The following IL4R variants were observed in gnomAD, a reference collection of about 807,000 sequenced individuals.
IL4R encodes the protein interleukin-4 receptor subunit alpha.
A neutral mutation model predicts 41.5 loss-of-function variants in IL4R; 17 were observed. That is an observed-to-expected ratio of 0.41 (90% CI 0.28 to 0.61). The LOEUF (loss-of-function observed/expected upper bound fraction) is 0.61, where lower values mean the gene tolerates loss of function less well. Among genes scored for constraint, IL4R ranks in the 20% least tolerant of loss-of-function variants. The pLI is 0.31. For synonymous variants in IL4R, 402 were observed against 422.9 expected (o/e 0.95, Z 0.61); for missense variants, 974 against 1,043.1 (o/e 0.93, Z 0.91).
At chr16:27,326,748 TG>T (rs1181871551) in intron 1 of IL4R, among the ~76,000 whole-genome samples, 1 of 152,100 alleles carries the variant, frequency 6.6e-6, no homozygotes, top group Non-Finnish European at 1.5e-5. Flanking sequence ...GGGAGGCTGG[TG>T]GGTGCTGTTG....
chr16:27,318,292 C>T (rs992515355), intron 1 of IL4R, among the ~76,000 whole-genome samples: 8 of 152,232 alleles, frequency 5.3e-5, no homozygotes, highest in South Asian at 4.1e-4. Flanking sequence ...CCTGAGTCAT[C>T]CTGAATTCTG....
intron 2 of IL4R, among the ~76,000 whole-genome samples, chr16:27,337,648 C>G (rs549263648): frequency 6.6e-6 from 1 of 151,028 alleles, no homozygotes; most frequent in East Asian, 2.0e-4. Context: ...GGTGCCATCT[C>G]GGCTCACCAC....
intron 8 of IL4R, among the ~76,000 whole-genome samples, chr16:27,357,699 A>G (rs1006630666): frequency 2.0e-5 from 3 of 151,490 alleles, no homozygotes; most frequent in Non-Finnish European, 4.4e-5. Flanking sequence ...CCTGACCTCA[A>G]GTGATCCACC....
chr16:27,329,966 T>C (rs980044845), intron 1 of IL4R, 100 bp from the exon 2 acceptor site: 3 of 151,892 alleles, frequency 2.0e-5, no homozygotes, highest in African/African-American at 7.3e-5. Context: ...CAATGGAGGA[T>C]TGCAGAAGAG....
Position 27,358,940 on chromosome 16 carries a change from G to A in IL4R, c.795G>A (p.Gln265=). The change falls in exon 9 of 11, where the codon CAG becomes CAA. Residue 265 remains glutamine, a synonymous_variant. Transcript: ENST00000395762. ...GGATTAAGAAAGAATGGTGGGATCA[G>A]ATTCCCAACCCAGCCCGCAGCCGCC... ...ITKIKKEWWD[Q]IPNPARSRLV... is the part of the protein sequence containing the mutation. 1 of 1,614,018 alleles carries A rather than the reference G, an allele frequency of 6.2e-7. No homozygotes were observed. The highest frequency in any genetic ancestry group is 8.5e-7 in the Non-Finnish European group (1 of 1,179,876).
chr16:27,351,092 G>T (rs747191453), intron 6 of IL4R, among the ~76,000 whole-genome samples: 12 of 152,188 alleles, frequency 7.9e-5, no homozygotes, highest in Admixed American at 2.6e-4. Flanking sequence ...CTATAATCAA[G>T]GTGTGGGATG....
chr16:27,360,035 T>A (rs2086228088), intron 9 of IL4R, among the ~76,000 whole-genome samples: 1 of 151,482 alleles, frequency 6.6e-6, no homozygotes, highest in African/African-American at 2.4e-5. Context: ...TTTCTTTTTC[T>A]GAGACGGAGT....
intron 6 of IL4R, among the ~76,000 whole-genome samples, chr16:27,351,254 G>A (rs2085860222): frequency 6.6e-6 from 1 of 152,170 alleles, no homozygotes; most frequent in Admixed American, 6.5e-5. Flanking sequence ...TCCTTCCCAT[G>A]TGCCCTTTGC....
Position 27,364,169 on chromosome 16 carries a change from G to C in IL4R, c.*339G>C, listed in dbSNP as rs1406356721. 2.0e-5 allele frequency: 5 copies of C among 254,544 alleles called. No individual in the cohort carries two copies. Among genetic ancestry groups the C allele is most frequent in the Non-Finnish European group, 3.8e-5 (5 of 132,858 alleles). The allele number at this position is 254,544 out of a possible 1,614,324, so 15.8% of individuals were successfully genotyped here. ...CCCTCCACAGCTTCTGCAGCAGACTGTCCCTGTTGTAACTGCCCAAGGCAT... is the reference window on the plus strand; with the variant it reads ...CCCTCCACAGCTTCTGCAGCAGACTCTCCCTGTTGTAACTGCCCAAGGCAT... On this transcript the variant is annotated 3_prime_UTR_variant, in exon 11 of 11. Transcript: ENST00000395762.
intron 9 of IL4R, 93 bp downstream of exon 9, chr16:27,359,087 C>G: frequency 1.1e-6 from 1 of 926,568 alleles, no homozygotes. Flanking sequence ...TCACTGGCTT[C>G]TGGAATGGCA....
intron 2 of IL4R, among the ~76,000 whole-genome samples, chr16:27,334,571 G>A (rs1446091519): frequency 2.6e-5 from 4 of 152,084 alleles, no homozygotes; most frequent in Non-Finnish European, 4.4e-5. Context: ...TTGGACAGGC[G>A]TCTTGGCCTC....
At chr16:27,359,145 T>G in intron 9 of IL4R, 151 bp downstream of exon 9, 1 of 650,400 alleles carries the variant, frequency 1.5e-6, no homozygotes, top group Non-Finnish European at 2.8e-6. Context: ...AGAAGCCGAA[T>G]GAGGTCATTA....
chr16:27,357,270 C>A (rs1338504535), intron 8 of IL4R, among the ~76,000 whole-genome samples: 1 of 152,014 alleles, frequency 6.6e-6, no homozygotes, highest in African/African-American at 2.4e-5. Flanking sequence ...TGTTCTTTGT[C>A]TTTGGTTTCT....
intron 2 of IL4R, among the ~76,000 whole-genome samples, chr16:27,336,464 C>T (rs566747375): frequency 5.7e-4 from 86 of 149,668 alleles, no homozygotes; most frequent in Non-Finnish European, 8.2e-4. Flanking sequence ...ATCGCTTGAA[C>T]TCAGGAGTTC....
intron 6 of IL4R, among the ~76,000 whole-genome samples, chr16:27,349,726 T>C (rs2085796161): frequency 6.6e-6 from 1 of 152,142 alleles, no homozygotes; most frequent in African/African-American, 2.4e-5. Flanking sequence ...GTCACACAGC[T>C]GGAAATGGCA....
At chr16:27,334,039 C>A (rs1567313203) in intron 2 of IL4R, among the ~76,000 whole-genome samples, 1 of 152,028 alleles carries the variant, frequency 6.6e-6, no homozygotes, top group South Asian at 2.1e-4. Flanking sequence ...CCCGCCACCA[C>A]GCCCAGCTAA....
In IL4R at chr16:27,363,671, C is replaced by T. The variant is rs750487862; in HGVS notation, c.2319C>T (p.Ala773=). The part of the protein sequence containing the change: ...DPSPGGVPLE[A]SLCPASLAPS... ...CTCCAGGTGGGGTTCCACTGGAGGC[C>T]AGTCTGTGTCCGGCCTCCCTGGCAC... The change falls in exon 11 of 11, where the codon GCC becomes GCT. Residue 773 remains alanine, a synonymous_variant. Coordinates refer to ENST00000395762, the MANE Select transcript of IL4R (RefSeq NM_000418.4). 1.9e-6 allele frequency: 3 copies of T among 1,613,892 alleles called. No individual in the cohort carries two copies. In the South Asian group the frequency reaches 3.3e-5, roughly 18 times the overall value.
chr16:27,329,478 C>G (rs1364329301), intron 1 of IL4R, among the ~76,000 whole-genome samples: 2 of 151,934 alleles, frequency 1.3e-5, no homozygotes, highest in African/African-American at 4.8e-5. Flanking sequence ...GAGTTTAAGA[C>G]CAGCCTGGCC....
intron 2 of IL4R, among the ~76,000 whole-genome samples, chr16:27,333,570 A>G (rs548295085): frequency 5.9e-5 from 9 of 152,208 alleles, no homozygotes; most frequent in Admixed American, 5.9e-4. Context: ...ATAACAGCCT[A>G]CCTTTCAGGA....
Sources: allele counts gnomAD v4.1 joint callset (sites outside exome capture counted in the v4.1 genomes callset), GRCh38; gene constraint gnomAD v4.1.1; transcripts MANE v1.5; gene names NCBI Gene and HGNC (gene_info 2026-07-23, HGNC 2026-07-21).